ATAD5: variants seen among roughly 807,000 people sequenced by gnomAD.
The protein encoded by ATAD5 is ATPase family AAA domain containing 5, also known as ATPase family AAA domain-containing protein 5.
Under a neutral mutation model 176.9 loss-of-function variants are expected in ATAD5, and 58 were observed. The observed-to-expected ratio is 0.33, with a 90% CI of 0.27 to 0.41. The LOEUF (loss-of-function observed/expected upper bound fraction) is 0.41. ATAD5 is among the 10% of genes least tolerant of loss of function. The pLI is 1.00. For synonymous variants in ATAD5, 640 were observed against 712.6 expected, an observed-to-expected ratio of 0.90 and a Z score of 1.62; for missense variants, 1,789 against 2,094.1, an observed-to-expected ratio of 0.85 and a Z score of 2.84.
intron 18 of ATAD5, among the ~76,000 whole-genome samples, chr17:30,881,934 T>G (rs972982133): frequency 1.3e-5 from 2 of 150,684 alleles, no homozygotes; most frequent in South Asian, 4.2e-4. Context: ...AATAATTGTT[T>G]CTTTTAAATA....
chr17:30,868,053 G>A lies in ATAD5; in HGVS notation c.3234-280G>A, dbSNP rs76595963. ...TGAATATTCTTACACATATAGTCTTGTATATTTTGGCAGAAACTACTTCAT... is the reference window on the plus strand; with the variant it reads ...TGAATATTCTTACACATATAGTCTTATATATTTTGGCAGAAACTACTTCAT... On this transcript the variant is annotated intron_variant, in intron 11 of 22. Coordinates refer to ENST00000321990, the MANE Select transcript of ATAD5 (RefSeq NM_024857.5). Among the ~76,000 whole-genome samples the A allele has an allele frequency of 9.6e-3, 1,459 of 152,254 alleles. 14 individuals are homozygous for A. The highest frequency in any genetic ancestry group is 0.033 in the African/African-American group (1,388 of 41,538).
chr17:30,890,864 ATACT>A (rs1375471647), intron 19 of ATAD5, among the ~76,000 whole-genome samples: 3 of 151,836 alleles, frequency 2.0e-5, no homozygotes, highest in African/African-American at 7.3e-5. Flanking sequence ...ATAAAGATAC[ATACT>A]TATTTAGCAA....
At position 30,844,833 on chromosome 17, in the gene ATAD5, A is replaced by G; in HGVS notation, c.2369-2A>G. 1 of 1,584,810 alleles carries G rather than the reference A, an allele frequency of 6.3e-7. No homozygotes were observed. The highest frequency in any genetic ancestry group is 8.6e-7 in the Non-Finnish European group (1 of 1,166,298). ...ACTAACCCAAGTATTTATTTTTCTA[A>G]GGAAAAATGAAAGTCGCTCCTTTAT... On this transcript the variant is annotated splice_acceptor_variant, in intron 5 of 22. Coordinates refer to ENST00000321990, the MANE Select transcript of ATAD5 (RefSeq NM_024857.5). LOFTEE classifies it high-confidence loss of function.
Position 30,834,750 on chromosome 17 carries a change from A to T in ATAD5, c.669A>T (p.Ala223=). The T allele has an allele frequency of 1.2e-6, 2 of 1,614,078 alleles. No individual in the cohort carries two copies. Among genetic ancestry groups the T allele is most frequent in the Non-Finnish European group, 1.7e-6 (2 of 1,179,970 alleles). Residue 223 remains alanine, a synonymous_variant, in exon 2 of 23, where the codon GCA becomes GCT. Transcript: ENST00000321990. Reference sequence around the variant, plus strand: ...ATCTATCTGAAAGCTTACCCTTGGCAGAGGAACTAAATTTGCTTAAAAAAG... The same window carrying T: ...ATCTATCTGAAAGCTTACCCTTGGCTGAGGAACTAAATTTGCTTAAAAAAG... ...VVDLSESLPL[A]EELNLLKKDG...
At chr17:30,844,128 T>G in intron 5 of ATAD5, 89 bp downstream of exon 5, 1 of 1,097,840 alleles carries the variant, frequency 9.1e-7, no homozygotes, top group South Asian at 2.6e-5. Context: ...GGTATTTATT[T>G]ATTTATTTAT....
chr17:30,891,373 A>AATT (rs1221192000), intron 19 of ATAD5, among the ~76,000 whole-genome samples: 2 of 151,958 alleles, frequency 1.3e-5, no homozygotes, highest in Non-Finnish European at 2.9e-5. Context: ...AGGTCTTTGA[A>AATT]ATTATTATTA....
chr17:30,879,477 C>T lies in ATAD5; in HGVS notation c.4067C>T (p.Thr1356Ile). Residue 1356 changes from threonine (T) to isoleucine (I), a missense_variant, in exon 18 of 23, where the codon ACT becomes ATT. This residue lies in a region of ATAD5 where 194 missense variants were observed against 270.1 expected (regional missense o/e 0.72). Coordinates refer to ENST00000321990, the MANE Select transcript of ATAD5 (RefSeq NM_024857.5). ...DGCFEEIKFSTPSLLNVASYL... is the reference protein window; with the variant it reads ...DGCFEEIKFSIPSLLNVASYL... ...TGCTTTGAAGAAATCAAGTTCAGTA[C>T]TCCTTCCCTGGTAAGTTTTAAATTT... 1 of 1,589,068 alleles carries T rather than the reference C, an allele frequency of 6.3e-7. No homozygotes were observed. The highest frequency in any genetic ancestry group is 8.5e-7 in the Non-Finnish European group (1 of 1,173,102).
At position 30,895,300 on chromosome 17, in the gene ATAD5, A is replaced by C. The variant is rs181454640; in HGVS notation, c.*387A>C. 1,099 of 155,038 alleles carry C rather than the reference A, an allele frequency of 7.1e-3. 10 individuals are homozygous for C. Among genetic ancestry groups the C allele is most frequent in the African/African-American group, 0.025 (1,023 of 41,620 alleles). The allele number at this position is 155,038 out of a possible 1,614,324, so 9.6% of individuals were successfully genotyped here. On this transcript the variant is annotated 3_prime_UTR_variant, in exon 23 of 23. Coordinates refer to ENST00000321990, the MANE Select transcript of ATAD5 (RefSeq NM_024857.5). ...CACTAAAGTTGGTATACAATCTCCC[A>C]CTGCTAAATTTGACTGGCTTTACAA... is the stretch of plus-strand genomic sequence containing the variant.
At position 30,835,087 on chromosome 17, in the gene ATAD5, A is replaced by G. The variant is rs774905537; in HGVS notation, c.1006A>G (p.Thr336Ala). ...GGTTCACCCTATTCCGCCCAAAAAGACAGGGAAAATACCCCGAATTTTCTT... is the reference window on the plus strand; with the variant it reads ...GGTTCACCCTATTCCGCCCAAAAAGGCAGGGAAAATACCCCGAATTTTCTT... ...AQVHPIPPKKTGKIPRIFLKQ... is the reference protein window; with the variant it reads ...AQVHPIPPKKAGKIPRIFLKQ... The change falls in exon 2 of 23, where the codon ACA (threonine) becomes GCA (alanine). Residue 336 changes from threonine to alanine, a missense_variant. By Grantham distance (58) the Thr-to-Ala change is moderately conservative (BLOSUM62 0). Around this residue, in one of 6 missense-constraint regions of ATAD5, gnomAD observed 696 missense variants for 712.5 expected, o/e 0.98. Coordinates refer to ENST00000321990, the MANE Select transcript of ATAD5 (RefSeq NM_024857.5). The G allele has an allele frequency of 1.2e-6, 2 of 1,614,110 alleles. No homozygotes were observed. Among genetic ancestry groups the G allele is most frequent in the South Asian group, 2.2e-5 (2 of 91,078 alleles).
At position 30,834,414 on chromosome 17, in the gene ATAD5, G is replaced by A. The variant is rs1905576146; in HGVS notation, c.333G>A (p.Lys111=). The change falls in exon 2 of 23, where the codon AAG becomes AAA. Residue 111 remains lysine (K), a synonymous_variant. Coordinates refer to ENST00000321990, the MANE Select transcript of ATAD5 (RefSeq NM_024857.5). The part of the protein sequence containing the change: ...PLEMFSNVEF[K]KKRKRVNLSH... ...AAATGTTCTCAAATGTAGAGTTTAA[G>A]AAGAAAAGAAAGAGGGTTAATTTAT... 1.9e-6 allele frequency: 3 copies of A among 1,600,032 alleles called. No homozygotes were observed. The highest frequency in any genetic ancestry group is 1.1e-5 in the South Asian group (1 of 87,514).
chr17:30,835,850 C>G lies in ATAD5; in HGVS notation c.1769C>G (p.Thr590Arg), dbSNP rs148065409. 1.2e-6 allele frequency: 2 copies of G among 1,613,874 alleles called. No individual in the cohort carries two copies. The highest frequency in any genetic ancestry group is 2.7e-5 in the African/African-American group (2 of 75,028). The change falls in exon 2 of 23, where the codon ACG (threonine) becomes AGG (arginine). Residue 590 changes from threonine to arginine, a missense_variant. Transcript: ENST00000321990. ...ESEASLLNVS[T>R]PKSTRRSGRI... is the part of the protein sequence containing the mutation. The stretch of plus-strand genomic sequence containing the variant: ...GAAGCCAGCTTGCTAAATGTTTCCA[C>G]GCCCAAGTCAACTAGAAGATCTGGA...
intron 14 of ATAD5, among the ~76,000 whole-genome samples, chr17:30,873,686 T>C (rs1267441758): frequency 7.2e-6 from 1 of 138,324 alleles, no homozygotes; most frequent in Non-Finnish European, 1.5e-5. Context: ...AAATAAAAAT[T>C]GCCTTTTTTT....
At chr17:30,837,580 C>A (rs78682450) in intron 3 of ATAD5, among the ~76,000 whole-genome samples, 2,159 of 152,288 alleles carry the variant, frequency 0.014, 57 homozygotes, top group African/African-American at 0.049. Flanking sequence ...ACATCGTGAT[C>A]ATTTTTCCTA....
chr17:30,871,856 A>G (rs1908357131), intron 14 of ATAD5, among the ~76,000 whole-genome samples: 1 of 151,964 alleles, frequency 6.6e-6, no homozygotes, highest in Non-Finnish European at 1.5e-5. Flanking sequence ...TTTTGTACCT[A>G]TAACTGTTCG....
intron 3 of ATAD5, among the ~76,000 whole-genome samples, chr17:30,837,672 G>A (rs932325644): frequency 2.6e-5 from 4 of 152,190 alleles, no homozygotes; most frequent in African/African-American, 9.7e-5. Flanking sequence ...ATTTCTCACA[G>A]TTATGGGGAT....
At chr17:30,839,286 CT>C (rs1203913975) in intron 3 of ATAD5, among the ~76,000 whole-genome samples, 65 of 146,022 alleles carry the variant, frequency 4.5e-4, no homozygotes, top group East Asian at 3.7e-3. Flanking sequence ...ATAGATATAT[CT>C]TTTTTTTTTT....
rs545073306 is a variant in ATAD5, at chr17:30,832,514, G to C, written c.66+101G>C. On this transcript the variant is annotated intron_variant, in intron 1 of 22. Coordinates refer to ENST00000321990, the MANE Select transcript of ATAD5 (RefSeq NM_024857.5). The stretch of plus-strand genomic sequence containing the variant: ...GTGATCCTGACTTTGTAAGGGGAAA[G>C]GTGGGACATTGTGAGGACCCACAGC... 14 of 1,248,922 alleles carry C rather than the reference G, an allele frequency of 1.1e-5. No homozygotes were observed. In the East Asian group the frequency reaches 3.1e-4, roughly 28 times the overall value. The allele number at this position is 1,248,922 out of a possible 1,614,324, so 77.4% of individuals were successfully genotyped here.
At position 30,866,789 on chromosome 17, in the gene ATAD5, T is replaced by C. The variant is rs150681633; in HGVS notation, c.3233+989T>C. ...GAGGTCGTGCCAGTGCACTCCAGCC[T>C]GGGCAACAGAGTAAGACTCTGTCCC... On this transcript the variant is annotated intron_variant, in intron 11 of 22. Coordinates refer to ENST00000321990, the MANE Select transcript of ATAD5 (RefSeq NM_024857.5). Among the ~76,000 whole-genome samples, 249 of 152,232 alleles carry C rather than the reference T, an allele frequency of 1.6e-3. 1 individual carries two copies. The highest frequency in any genetic ancestry group is 5.8e-3 in the African/African-American group (239 of 41,542).
At chr17:30,894,296 A>G (rs1180593177) in intron 21 of ATAD5, 146 bp downstream of exon 21, 1 of 803,544 alleles carries the variant, frequency 1.2e-6, no homozygotes, top group African/African-American at 1.7e-5. Flanking sequence ...TGAGATAGCT[A>G]AAGAGACCAG....
Sources: gnomAD v4.1 joint callset for allele counts (sites outside exome capture counted in the v4.1 genomes callset) on GRCh38, gnomAD v4.1.1 for gene constraint, gnomAD v4.1.1 regional missense constraint, MANE v1.5 for transcripts, NCBI Gene and HGNC (gene_info 2026-07-23, HGNC 2026-07-21) for gene names.